Variants in SDK1 observed in about 807,000 individuals in gnomAD.
SDK1 encodes sidekick cell adhesion molecule 1, also known as protein sidekick-1.
In SDK1, 157 loss-of-function variants were observed where a neutral mutation model predicts 245.5. That is an observed-to-expected ratio of 0.64 (90% confidence interval 0.56 to 0.73). SDK1 has a LOEUF of 0.73. Ranked by LOEUF, SDK1 falls within the 30% of genes least tolerant of loss-of-function variation. The pLI is 0.00. For missense variants in SDK1, 3,583 were observed against 3,002.3 expected (o/e 1.19, Z -4.52); for synonymous variants, 1,647 against 1,278.5 (o/e 1.29, Z -6.15).
intron 34 of SDK1, among the ~76,000 whole-genome samples, chr7:4,177,890 G>T (rs1269031064): frequency 6.6e-6 from 1 of 152,358 alleles, no homozygotes; most frequent in African/African-American, 2.4e-5. Context: ...GACAGCGACA[G>T]ATCATCAGGC....
intron 1 of SDK1, among the ~76,000 whole-genome samples, chr7:3,476,912 TC>T (rs1489018737): frequency 1.3e-5 from 2 of 152,232 alleles, no homozygotes; most frequent in Middle Eastern, 3.4e-3. Context: ...AAAGAGGAAC[TC>T]CTCTAACTGG....
intron 30 of SDK1, 83 bp downstream of exon 30, chr7:4,149,546 T>A: frequency 1.0e-6 from 1 of 961,552 alleles, no homozygotes; most frequent in Non-Finnish European, 1.4e-6. Flanking sequence ...GTGGGGAGGC[T>A]GTGTGGGCCA....
chr7:3,480,517 G>T (rs1327881045), intron 1 of SDK1, among the ~76,000 whole-genome samples: 1 of 152,216 alleles, frequency 6.6e-6, no homozygotes, highest in African/African-American at 2.4e-5. Flanking sequence ...GAACTTCGGT[G>T]TTCCCGATAA....
At chr7:4,051,537 G>C in intron 18 of SDK1, 101 bp from the exon 19 acceptor site, 2 of 1,013,718 alleles carry the variant, frequency 2.0e-6, no homozygotes, top group East Asian at 5.3e-5. Flanking sequence ...TCTTAATTAT[G>C]ACTTTACATT....
intron 40 of SDK1, chr7:4,227,319 C>T (rs1250872952): frequency 1.1e-5 from 5 of 465,516 alleles, no homozygotes; most frequent in African/African-American, 2.0e-5. Flanking sequence ...CTTGTCAGCC[C>T]GGCTTCCCAC....
intron 1 of SDK1, among the ~76,000 whole-genome samples, chr7:3,325,577 C>G (rs1330867595): frequency 6.6e-6 from 1 of 151,916 alleles, no homozygotes; most frequent in Non-Finnish European, 1.5e-5. Context: ...TAATTACAGA[C>G]AATAGGTTTA....
At position 3,391,493 on chromosome 7, in the gene SDK1, G is replaced by C. The variant is rs77369109; in HGVS notation, c.298+89609G>C. On this transcript the variant is annotated intron_variant, in intron 1 of 44. Coordinates refer to ENST00000404826, the MANE Select transcript of SDK1 (RefSeq NM_152744.4). ...ATTTTTTTTTTCCTTTACGTTTTCT[G>C]TTGTAGAATAAAAAATTTCTTTCCA... 6.4e-3 allele frequency among the ~76,000 whole-genome samples: 969 copies of C among 151,818 alleles called. 11 individuals are homozygous for C. Among genetic ancestry groups the C allele is most frequent in the African/African-American group, 0.022 (921 of 41,386 alleles).
Position 4,265,635 on chromosome 7 carries a change from C to T in SDK1, c.*251C>T. 7.7e-7 allele frequency: 1 copy of T among 1,304,006 alleles called. No homozygotes were observed. The highest frequency in any genetic ancestry group is 4.0e-5 in the Admixed American group (1 of 25,102). The allele number at this position is 1,304,006 out of a possible 1,614,324, so 80.8% of individuals were successfully genotyped here. A position where few individuals can be genotyped will look rare whatever the true frequency, so the allele number is the denominator to read the frequency against. Reference sequence around the variant, plus strand: ...TTTCTTTTTAAGAGAAGGTGTATTTCACTGGTGCAATGGCTTGGCACCTCC... The same window carrying T: ...TTTCTTTTTAAGAGAAGGTGTATTTTACTGGTGCAATGGCTTGGCACCTCC... On this transcript the variant is annotated 3_prime_UTR_variant, in exon 45 of 45. Transcript: ENST00000404826.
intron 1 of SDK1, among the ~76,000 whole-genome samples, chr7:3,552,248 A>G (rs1012419037): frequency 1.3e-5 from 2 of 152,104 alleles, no homozygotes; most frequent in Admixed American, 6.5e-5. Flanking sequence ...TGTATTAGCA[A>G]GGATGGTCTC....
chr7:3,585,811 T>C (rs1454636816), intron 1 of SDK1, among the ~76,000 whole-genome samples: 1 of 151,290 alleles, frequency 6.6e-6, no homozygotes, highest in Non-Finnish European at 1.5e-5. Flanking sequence ...CCTCTAAACA[T>C]GTGGTATAAT....
At chr7:3,331,441 C>G (rs1397062784) in intron 1 of SDK1, among the ~76,000 whole-genome samples, 1 of 152,152 alleles carries the variant, frequency 6.6e-6, no homozygotes, top group Admixed American at 6.5e-5. Flanking sequence ...ATTTGCATAT[C>G]TTCTTTGGGG....
chr7:4,070,954 C>A (rs1451247077), intron 20 of SDK1, among the ~76,000 whole-genome samples: 1 of 151,928 alleles, frequency 6.6e-6, no homozygotes. Context: ...TCGTGATCCA[C>A]CCACTTTGGC....
intron 4 of SDK1, among the ~76,000 whole-genome samples, chr7:3,663,909 G>GTATCATTGTCACTGTAGGAAGA (rs1783443086): frequency 6.6e-6 from 1 of 152,224 alleles, no homozygotes; most frequent in Non-Finnish European, 1.5e-5. Context: ...TCTTAGGAAT[G>GTATCATTGTCACTGTAGGAAGA]TATCATTGTC....
intron 1 of SDK1, among the ~76,000 whole-genome samples, chr7:3,495,340 C>T (rs1000854232): frequency 2.0e-5 from 3 of 148,942 alleles, no homozygotes; most frequent in African/African-American, 7.5e-5. Context: ...TCATTGCAGC[C>T]TCTGCCTCTC....
intron 1 of SDK1, among the ~76,000 whole-genome samples, chr7:3,395,959 T>G (rs1473467983): frequency 6.6e-6 from 1 of 151,836 alleles, no homozygotes. Context: ...TTTCTTTAAT[T>G]TCTCCTGTCA....
At chr7:3,725,460 A>G (rs958142848) in intron 4 of SDK1, among the ~76,000 whole-genome samples, 7 of 152,186 alleles carry the variant, frequency 4.6e-5, no homozygotes, top group African/African-American at 1.7e-4. Flanking sequence ...ATGTTTTTCA[A>G]AAAAATTCTC....
chr7:3,570,069 C>G (rs562238794), intron 1 of SDK1, among the ~76,000 whole-genome samples: 1 of 152,300 alleles, frequency 6.6e-6, no homozygotes, highest in African/African-American at 2.4e-5. Context: ...GGGACAGAAA[C>G]AACTGGCTCC....
intron 13 of SDK1, among the ~76,000 whole-genome samples, chr7:3,975,861 G>A (rs1056289116): frequency 1.3e-5 from 2 of 152,198 alleles, no homozygotes; most frequent in African/African-American, 2.4e-5. Flanking sequence ...ATCAGCCGGC[G>A]GCAGTGGTGC....
At chr7:3,377,657 C>G (rs1162239903) in intron 1 of SDK1, among the ~76,000 whole-genome samples, 2 of 152,150 alleles carry the variant, frequency 1.3e-5, no homozygotes, top group African/African-American at 4.8e-5. Flanking sequence ...CTGAAGCTCT[C>G]CACAGAGAAC....
Sources: gnomAD v4.1 joint callset for allele counts (sites outside exome capture counted in the v4.1 genomes callset) on GRCh38, gnomAD v4.1.1 for gene constraint, MANE v1.5 for transcripts, NCBI Gene and HGNC (gene_info 2026-07-23, HGNC 2026-07-21) for gene names.